The following KCNN3 variants were observed in gnomAD, a reference collection of about 807,000 sequenced individuals.
KCNN3 encodes the protein potassium calcium-activated channel subfamily N member 3.
In KCNN3, 16 loss-of-function variants were observed where a neutral mutation model predicts 62.9. The ratio of observed to expected loss-of-function variants is 0.25; its 90% CI spans 0.17 to 0.39. The LOEUF (loss-of-function observed/expected upper bound fraction) is 0.39, where lower values mean the gene tolerates loss of function less well. KCNN3 is among the 10% of genes least tolerant of loss of function. KCNN3 has a pLI of 1.00. For missense variants in KCNN3, 599 were observed against 949.4 expected (o/e 0.63, Z 4.85); for synonymous variants, 370 against 389.2 (o/e 0.95, Z 0.58).
intron 3 of KCNN3, among the ~76,000 whole-genome samples, chr1:154,735,911 C>T (rs1184639866): frequency 1.3e-5 from 2 of 152,152 alleles, no homozygotes; most frequent in Non-Finnish European, 2.9e-5. Context: ...AGGGAGAAGA[C>T]GTAAAGGCAG....
At chr1:154,834,907 C>T (rs1448904742) in intron 1 of KCNN3, among the ~76,000 whole-genome samples, 1 of 152,264 alleles carries the variant, frequency 6.6e-6, no homozygotes, top group South Asian at 2.1e-4. Context: ...CGGAGGAGGT[C>T]GCTTGTTCCT....
chr1:154,720,705 T>A (rs11264249), intron 5 of KCNN3, among the ~76,000 whole-genome samples: 77,692 of 152,062 alleles, frequency 0.51, 20,543 homozygotes, highest in African/African-American at 0.64. Context: ...AGGAAGTAAT[T>A]TGTTCAGAGC....
chr1:154,720,851 G>A (rs568844510), intron 5 of KCNN3, among the ~76,000 whole-genome samples: 2 of 152,152 alleles, frequency 1.3e-5, no homozygotes, highest in East Asian at 1.9e-4. Context: ...CAAGAGTGGC[G>A]GGGCCGAGGC....
At chr1:154,865,035 C>T (rs1475694149) in intron 1 of KCNN3, among the ~76,000 whole-genome samples, 1 of 152,104 alleles carries the variant, frequency 6.6e-6, no homozygotes, top group African/African-American at 2.4e-5. Context: ...GGTACCAGCT[C>T]AGCCACCAAC....
rs1450590283 is a variant in KCNN3 at position 154,870,267 on chromosome 1, C to T, written c.-303G>A. 2 of 560,076 alleles carry T rather than the reference C, an allele frequency of 3.6e-6. No homozygotes were observed. Among genetic ancestry groups the T allele is most frequent in the South Asian group, 3.3e-5 (2 of 59,748 alleles). 34.7% of individuals were successfully genotyped at this position (560,076 alleles called of 1,614,324 possible). A position where few individuals can be genotyped will look rare whatever the true frequency, so the allele number is the denominator to read the frequency against. The stretch of plus-strand genomic sequence containing the variant: ...GTGTGAGGCCAGGCTCAGCTTCACT[C>T]CTCGCTGGCTCAATAGCTTCGCTCG... On this transcript the variant is annotated 5_prime_UTR_variant, in exon 1 of 8. Coordinates refer to ENST00000271915, the MANE Select transcript of KCNN3 (RefSeq NM_002249.6).
chr1:154,785,461 C>T (rs946246074), intron 2 of KCNN3, among the ~76,000 whole-genome samples: 3 of 152,136 alleles, frequency 2.0e-5, no homozygotes, highest in South Asian at 4.1e-4. Flanking sequence ...ACTGTCACCC[C>T]TTCAGGGGGA....
intron 1 of KCNN3, among the ~76,000 whole-genome samples, chr1:154,825,310 A>G (rs1651058989): frequency 6.6e-6 from 1 of 152,128 alleles, no homozygotes; most frequent in Admixed American, 6.5e-5. Context: ...ACACAGAGTA[A>G]CAATCCTTAA....
At chr1:154,852,037 C>T (rs2101923841) in intron 1 of KCNN3, among the ~76,000 whole-genome samples, 1 of 152,358 alleles carries the variant, frequency 6.6e-6, no homozygotes, top group East Asian at 1.9e-4. Flanking sequence ...CCCAGGCCTG[C>T]ACCGTCCAGT....
intron 1 of KCNN3, among the ~76,000 whole-genome samples, chr1:154,854,560 C>A (rs1652440249): frequency 6.6e-6 from 1 of 152,170 alleles, no homozygotes; most frequent in Non-Finnish European, 1.5e-5. Flanking sequence ...AGTTTACTAT[C>A]AGGCTTATCT....
chr1:154,865,270 T>A (rs1208100717), intron 1 of KCNN3, among the ~76,000 whole-genome samples: 1 of 151,858 alleles, frequency 6.6e-6, no homozygotes, highest in African/African-American at 2.4e-5. Flanking sequence ...TCAGTACAGA[T>A]GATGTGATTA....
chr1:154,748,286 C>T (rs975678685), intron 3 of KCNN3, among the ~76,000 whole-genome samples: 7 of 151,968 alleles, frequency 4.6e-5, no homozygotes, highest in Admixed American at 2.0e-4. Flanking sequence ...CTCAGTCTGC[C>T]GCCCGCGCCT....
At chr1:154,776,055 C>A (rs990210451) in intron 2 of KCNN3, among the ~76,000 whole-genome samples, 1 of 152,186 alleles carries the variant, frequency 6.6e-6, no homozygotes, top group African/African-American at 2.4e-5. Flanking sequence ...CTCTGCCCAG[C>A]GAGACGGGAG....
chr1:154,726,085 G>A, intron 4 of KCNN3, 59 bp from the exon 5 acceptor site: 3 of 1,328,114 alleles, frequency 2.3e-6, no homozygotes, highest in South Asian at 2.4e-5. Context: ...GAGGCAAGAT[G>A]AGAGACTCAA....
At chr1:154,811,313 T>G (rs185659454) in intron 2 of KCNN3, among the ~76,000 whole-genome samples, 3 of 152,178 alleles carry the variant, frequency 2.0e-5, no homozygotes, top group Non-Finnish European at 2.9e-5. Flanking sequence ...ATGACAAAAG[T>G]CAGTTCTGGA....
chr1:154,723,115 A>C (rs1445739242), intron 5 of KCNN3, among the ~76,000 whole-genome samples: 1 of 152,186 alleles, frequency 6.6e-6, no homozygotes, highest in Non-Finnish European at 1.5e-5. Flanking sequence ...AGGCATCCCC[A>C]GGGGAAGAGA....
At position 154,770,495 on chromosome 1, in the gene KCNN3, G is replaced by A. The variant is rs190152567; in HGVS notation, c.1448+1480C>T. Among the ~76,000 whole-genome samples the A allele has an allele frequency of 3.3e-3, 504 of 152,268 alleles. 9 individuals carry two copies. Among genetic ancestry groups the A allele is most frequent in the Non-Finnish European group, 7.6e-4 (52 of 68,018 alleles). Reference sequence around the variant, plus strand: ...AGGACACTGGTGCATGGAAGATTTGGCAATATAATCGTAAGTGTTGACAAA... The same window carrying A: ...AGGACACTGGTGCATGGAAGATTTGACAATATAATCGTAAGTGTTGACAAA... On this transcript the variant is annotated intron_variant, in intron 3 of 7. Coordinates refer to ENST00000271915, the MANE Select transcript of KCNN3 (RefSeq NM_002249.6).
chr1:154,845,018 AAAG>A (rs200800521), intron 1 of KCNN3, among the ~76,000 whole-genome samples: 1,607 of 151,218 alleles, frequency 0.011, 21 homozygotes, highest in African/African-American at 0.038. Context: ...AAAACAAAAA[AAAG>A]AGAGAGAAAA....
chr1:154,750,340 C>A (rs186094959), intron 3 of KCNN3, among the ~76,000 whole-genome samples: 35 of 152,314 alleles, frequency 2.3e-4, no homozygotes, highest in Middle Eastern at 3.4e-3. Flanking sequence ...TTCCTCGGCC[C>A]CAGGAGCAGA....
chr1:154,807,671 G>A (rs1650237739), intron 2 of KCNN3, among the ~76,000 whole-genome samples: 1 of 152,202 alleles, frequency 6.6e-6, no homozygotes, highest in Non-Finnish European at 1.5e-5. Context: ...TAAGGGAAGA[G>A]CAAAATTGTA....
Sources: gnomAD v4.1 joint callset for allele counts (sites outside exome capture counted in the v4.1 genomes callset) on GRCh38, gnomAD v4.1.1 for gene constraint, MANE v1.5 for transcripts, NCBI Gene and HGNC (gene_info 2026-07-23, HGNC 2026-07-21) for gene names.